The following LIPC variants were observed in gnomAD, a reference collection of about 807,000 sequenced individuals.
LIPC encodes the protein hepatic triacylglycerol lipase.
LIPC carries 44 observed loss-of-function variants against 50.7 expected under a neutral mutation model. That is an observed-to-expected ratio of 0.87 (90% CI 0.68 to 1.11). The LOEUF is 1.11. LIPC is among the 50% of genes most tolerant of loss of function. The probability of loss-of-function intolerance (pLI) is 0.00; values close to 1 mark genes in which losing one functional copy is unlikely to be tolerated. For synonymous variants in LIPC, 271 were observed against 256.4 expected (o/e 1.06, Z -0.54); for missense variants, 697 against 648.2 (o/e 1.08, Z -0.82).
chr15:58,480,983 C>T (rs936443168), intron 1 of LIPC, among the ~76,000 whole-genome samples: 3 of 152,154 alleles, frequency 2.0e-5, no homozygotes, highest in Non-Finnish European at 2.9e-5. Flanking sequence ...GAGCATGGCA[C>T]ACAACAGATG....
At chr15:58,460,526 C>T (rs1002071030) in intron 1 of LIPC, among the ~76,000 whole-genome samples, 8 of 152,344 alleles carry the variant, frequency 5.3e-5, no homozygotes, top group Non-Finnish European at 8.8e-5. Flanking sequence ...GTAATAATCA[C>T]GTCTTCCACC....
intron 7 of LIPC, among the ~76,000 whole-genome samples, chr15:58,561,656 CA>C (rs1293817733): frequency 1.3e-5 from 2 of 152,156 alleles, no homozygotes; most frequent in Non-Finnish European, 2.9e-5. Context: ...AGGGCCCTTT[CA>C]AAATATGTCA....
At chr15:58,491,710 G>A (rs1891592589) in intron 1 of LIPC, among the ~76,000 whole-genome samples, 1 of 152,220 alleles carries the variant, frequency 6.6e-6, no homozygotes, top group Admixed American at 6.5e-5. Context: ...TCTGGGACAA[G>A]AGTCAAAGTC....
intron 1 of LIPC, among the ~76,000 whole-genome samples, chr15:58,508,473 A>G (rs1403031231): frequency 6.6e-6 from 1 of 152,162 alleles, no homozygotes; most frequent in Non-Finnish European, 1.5e-5. Context: ...GGAGGTAGGG[A>G]GATCATTAAC....
rs118054314 is a variant in LIPC, at chr15:58,504,899, G to A, written c.89-33434G>A. Among the ~76,000 whole-genome samples the A allele has an allele frequency of 1.9e-4, 29 of 152,282 alleles. No homozygotes were observed. In the East Asian group the frequency reaches 5.2e-3, roughly 27 times the overall value. On this transcript the variant is annotated intron_variant, in intron 1 of 8. Transcript: ENST00000299022. The stretch of plus-strand genomic sequence containing the variant: ...GTTTTACATGGCCTGCCATGCTTCT[G>A]GTAGCAAAGCAGTAATCTCCTGGTT...
intron 4 of LIPC, among the ~76,000 whole-genome samples, chr15:58,544,965 C>T (rs909610540): frequency 1.3e-5 from 2 of 152,216 alleles, no homozygotes; most frequent in African/African-American, 2.4e-5. Context: ...AGCTCCCCTA[C>T]TTGCACACAA....
chr15:58,562,084 A>G (rs1378336047), intron 7 of LIPC, among the ~76,000 whole-genome samples: 1 of 152,152 alleles, frequency 6.6e-6, no homozygotes, highest in Non-Finnish European at 1.5e-5. Flanking sequence ...CCACAAGTCA[A>G]CTCTTAGTGT....
chr15:58,456,233 C>T (rs1221642808), intron 1 of LIPC: 1 of 151,410 alleles, frequency 6.6e-6, no homozygotes, highest in Admixed American at 6.6e-5. Context: ...GGCATGGAAA[C>T]ATGCTATGAG....
intron 1 of LIPC, among the ~76,000 whole-genome samples, chr15:58,462,197 A>G (rs1221685465): frequency 6.6e-6 from 1 of 152,124 alleles, no homozygotes; most frequent in Non-Finnish European, 1.5e-5. Context: ...TCCCTATAGG[A>G]TCGTGAGTGC....
rs369107346 is a variant in LIPC at position 58,432,094 on chromosome 15, G to C, written c.62G>C (p.Ser21Thr). ...GTTTTATGCATCTTTATCCAATCAA[G>C]TGCCCTTGGACAAAGCCTGAAACCA... is the stretch of plus-strand genomic sequence containing the variant. ...LLVLCIFIQS[S>T]ALGQSLKPEP... The change falls in exon 1 of 9, where the codon AGT (serine) becomes ACT (threonine). Residue 21 changes from serine (S) to threonine (T), a missense_variant. Transcript: ENST00000299022. The C allele has an allele frequency of 1.2e-6, 2 of 1,613,744 alleles. No homozygotes were observed. The highest frequency in any genetic ancestry group is 2.7e-5 in the African/African-American group (2 of 74,904).
intron 1 of LIPC, among the ~76,000 whole-genome samples, chr15:58,475,490 C>T (rs575424433): frequency 6.6e-6 from 1 of 152,284 alleles, no homozygotes; most frequent in East Asian, 1.9e-4. Context: ...CTTTCAACAC[C>T]CAACTCAACT....
chr15:58,531,328 TGTGCCTATGACCTCG>T (rs1892952895), intron 1 of LIPC, among the ~76,000 whole-genome samples: 1 of 152,200 alleles, frequency 6.6e-6, no homozygotes, highest in Admixed American at 6.5e-5. Flanking sequence ...CAGGGTGGAA[TGTGCCTATGACCTCG>T]GAAGGACTTT....
intron 1 of LIPC, among the ~76,000 whole-genome samples, chr15:58,485,751 C>A (rs1473539079): frequency 6.6e-6 from 1 of 152,230 alleles, no homozygotes; most frequent in East Asian, 1.9e-4. Flanking sequence ...CGAGAGAGCC[C>A]ACTGACATCC....
chr15:58,527,041 C>T (rs528463926), intron 1 of LIPC, among the ~76,000 whole-genome samples: 2 of 152,290 alleles, frequency 1.3e-5, no homozygotes, highest in East Asian at 1.9e-4. Flanking sequence ...GGTACCTGCC[C>T]GTGGTCTGAA....
chr15:58,494,661 G>A (rs747674021), intron 1 of LIPC: 7 of 430,462 alleles, frequency 1.6e-5, no homozygotes, highest in Non-Finnish European at 2.8e-5. Context: ...CAGTGCCAAT[G>A]TATATTTCAC....
intron 1 of LIPC, among the ~76,000 whole-genome samples, chr15:58,443,708 C>A (rs1278442230): frequency 1.3e-5 from 2 of 152,218 alleles, no homozygotes; most frequent in Admixed American, 1.3e-4. Context: ...ACCAAGCAGG[C>A]TTTGTGTGAG....
intron 1 of LIPC, chr15:58,522,728 A>AT (rs1892693361): frequency 6.5e-6 from 1 of 152,960 alleles, no homozygotes; most frequent in Admixed American, 6.5e-5. Flanking sequence ...GACCTCAGGC[A>AT]TTGCTATGGC....
At chr15:58,548,887 A>C (rs1893643668) in intron 6 of LIPC, among the ~76,000 whole-genome samples, 1 of 152,174 alleles carries the variant, frequency 6.6e-6, no homozygotes, top group African/African-American at 2.4e-5. Flanking sequence ...TACCTGGGCC[A>C]CCCGGATCTC....
intron 1 of LIPC, among the ~76,000 whole-genome samples, chr15:58,517,463 T>C (rs750780612): frequency 6.6e-6 from 1 of 152,252 alleles, no homozygotes; most frequent in African/African-American, 2.4e-5. Context: ...AAAAAGGCCC[T>C]GCTTTTCTGG....
Sources: allele counts gnomAD v4.1 joint callset (sites outside exome capture counted in the v4.1 genomes callset), GRCh38; gene constraint gnomAD v4.1.1; transcripts MANE v1.5; gene names NCBI Gene and HGNC (gene_info 2026-07-23, HGNC 2026-07-21).